Variants in PAEP observed in about 807,000 individuals in gnomAD.
PAEP encodes the protein progestagen associated endometrial protein, also known as glycodelin.
In PAEP, 28 loss-of-function variants were observed where a neutral mutation model predicts 23.0. The ratio of observed to expected loss-of-function variants is 1.22; its 90% CI spans 0.90 to 1.67. The LOEUF is 1.67. PAEP is among the 40% of genes most tolerant of loss of function. PAEP has a pLI of 0.00. For missense variants in PAEP, 209 were observed against 226.4 expected (o/e 0.92, Z 0.49); for synonymous variants, 103 against 92.4 (o/e 1.12, Z -0.66).
In PAEP at chr9:135,561,956, C is replaced by T. The variant is rs374396113; in HGVS notation, c.96+59C>T. The T allele has an allele frequency of 8.8e-5, 95 of 1,082,426 alleles. 1 individual carries two copies. Among genetic ancestry groups the T allele is most frequent in the East Asian group, 5.5e-4 (21 of 38,252 alleles). 67.1% of individuals were successfully genotyped at this position (1,082,426 alleles called of 1,614,324 possible). ...GGAGGCCTGGGGCGGGTGGGAGCTGCGGGCAGGCAGGAAGCCCAGGATCTC... is the reference window on the plus strand; with the variant it reads ...GGAGGCCTGGGGCGGGTGGGAGCTGTGGGCAGGCAGGAAGCCCAGGATCTC... On this transcript the variant is annotated intron_variant, in intron 1 of 6. Transcript: ENST00000479141.
chr9:135,562,704 C>G (rs559181516), intron 2 of PAEP, 116 bp from the exon 3 acceptor site: 14 of 909,240 alleles, frequency 1.5e-5, no homozygotes, highest in African/African-American at 3.3e-5. Flanking sequence ...TGGGCGGCTG[C>G]GGGCTGCGGT....
rs370101071 is a variant in PAEP, at chr9:135,565,751, G to A, written c.527-34G>A. The A allele has an allele frequency of 2.1e-4, 338 of 1,613,478 alleles. 2 individuals are homozygous for A. The highest frequency in any genetic ancestry group is 1.6e-4 in the African/African-American group (12 of 74,860). ...TGTGTCCCCAGCTGTCTCTTCTCTCGCTGACACCTCCACTGTCCCATCTCC... is the reference window on the plus strand; with the variant it reads ...TGTGTCCCCAGCTGTCTCTTCTCTCACTGACACCTCCACTGTCCCATCTCC... On this transcript the variant is annotated intron_variant, in intron 5 of 6. Transcript: ENST00000479141.
rs375373335 is a variant in PAEP at position 135,566,874 on chromosome 9, C to G, written c.*322C>G. ...GCCACCGCCTGGCAGAACCGGAGCT[C>G]CTACAGACCCATGGGCAGCTTCTGG... On this transcript the variant is annotated 3_prime_UTR_variant, in exon 7 of 7. Transcript: ENST00000479141. 1.8e-4 allele frequency: 27 copies of G among 153,608 alleles called. No individual in the cohort carries two copies. The Middle Eastern group carries it at 4.6e-3, about 26-fold the overall frequency. The allele number at this position is 153,608 out of a possible 1,614,324, so 9.5% of individuals were successfully genotyped here. A position where few individuals can be genotyped will look rare whatever the true frequency, so the allele number is the denominator to read the frequency against.
chr9:135,564,686 G>A (rs1832495684), intron 4 of PAEP: 1 of 603,882 alleles, frequency 1.7e-6, no homozygotes, highest in African/African-American at 2.0e-5. Context: ...GTATTTTTTG[G>A]TAGAGACGGG....
chr9:135,564,546 C>G (rs1243659100), intron 4 of PAEP, 192 bp downstream of exon 4: 11 of 923,188 alleles, frequency 1.2e-5, no homozygotes, highest in Non-Finnish European at 1.4e-5. Context: ...TTCTGTCACT[C>G]AGGCTGGAGT....
intron 3 of PAEP, 81 bp from the exon 4 acceptor site, chr9:135,564,163 G>A: frequency 1.3e-6 from 2 of 1,525,308 alleles, no homozygotes; most frequent in Admixed American, 4.0e-5. Context: ...ACTTAGTGTG[G>A]TGGGATGTCC....
chr9:135,565,468 C>G lies in PAEP; in HGVS notation c.480C>G (p.Pro160=). The change falls in exon 5 of 7, where the codon CCC becomes CCG. Residue 160 remains proline (P), a synonymous_variant. Transcript: ENST00000479141. ...AGGGATTCATCAGGGCTTTCAGGCC[C>G]CTGCCCAGGCACCTATGGTACTTGC... is the stretch of plus-strand genomic sequence containing the variant. ...IMQGFIRAFR[P]LPRHLWYLLD... 6.2e-7 allele frequency: 1 copy of G among 1,614,216 alleles called. No individual in the cohort carries two copies. Among genetic ancestry groups the G allele is most frequent in the Non-Finnish European group, 8.5e-7 (1 of 1,180,026 alleles).
intron 1 of PAEP, 132 bp downstream of exon 1, chr9:135,562,029 C>G: frequency 1.3e-6 from 1 of 773,268 alleles, no homozygotes; most frequent in South Asian, 1.8e-5. Flanking sequence ...TCAGGAAGCC[C>G]TCAGCCCTGC....
chr9:135,564,186 A>G, intron 3 of PAEP, 58 bp from the exon 4 acceptor site: 1 of 1,545,970 alleles, frequency 6.5e-7, no homozygotes. Context: ...ACACCTGCAC[A>G]GGACTCTGCT....
chr9:135,564,471 CTT>C (rs902394705), intron 4 of PAEP, 117 bp downstream of exon 4: 1 of 1,474,054 alleles, frequency 6.8e-7, no homozygotes, highest in Non-Finnish European at 9.0e-7. Context: ...TGTGGGCTGA[CTT>C]TTTTTTTCTT....
intron 4 of PAEP, 109 bp from the exon 5 acceptor site, chr9:135,565,301 G>A: frequency 2.2e-6 from 2 of 910,526 alleles, no homozygotes; most frequent in Non-Finnish European, 3.6e-6. Context: ...CCAGACCTCG[G>A]AGCACTGGGG....
At chr9:135,564,529 G>C in intron 4 of PAEP, 175 bp downstream of exon 4, 1 of 964,796 alleles carries the variant, frequency 1.0e-6, no homozygotes, top group Non-Finnish European at 1.2e-6. Context: ...TTTGAGAAAG[G>C]GTCTCATTCT....
Position 135,564,231 on chromosome 9 carries a change from CTT to C in PAEP, c.311-12_311-11del. On this transcript the variant is annotated splice_polypyrimidine_tract_variant and intron_variant, in intron 3 of 6. Transcript: ENST00000479141. ...GCTTCATCTTCCTTTTGGTTCTTCT[CTT>C]CTTTCCCCAGATACGGTGGCGAACG... 5 of 1,552,030 alleles carry C rather than the reference CTT, an allele frequency of 3.2e-6. No individual in the cohort carries two copies. The South Asian group carries it at 4.8e-5, about 15-fold the overall frequency.
Position 135,562,420 on chromosome 9 carries a change from G to A in PAEP, c.223G>A (p.Val75Ile), listed in dbSNP as rs142465737. The A allele has an allele frequency of 3.5e-5, 57 of 1,613,782 alleles. No homozygotes were observed. The highest frequency in any genetic ancestry group is 5.5e-5 in the South Asian group (5 of 91,024). ...CACCCCCGAGGACAACCTGGAGATC[G>A]TTCTGCACAGATGGTGGGTTTCTCA... ...LPTPEDNLEI[V>I]LHRWENNSCV... The change falls in exon 2 of 7, where the codon GTT (valine) becomes ATT (isoleucine). Residue 75 changes from valine to isoleucine, a missense_variant. By Grantham distance (29) the Val-to-Ile change is conservative. Transcript: ENST00000479141.
chr9:135,561,940 G>T, intron 1 of PAEP, 43 bp downstream of exon 1: 2 of 1,458,384 alleles, frequency 1.4e-6, no homozygotes, highest in South Asian at 2.4e-5. Context: ...GGGAGGCCTG[G>T]GGCGGGTGGG....
At chr9:135,564,405 T>G in intron 4 of PAEP, 51 bp downstream of exon 4, 1 of 1,543,616 alleles carries the variant, frequency 6.5e-7, no homozygotes, top group South Asian at 1.2e-5. Flanking sequence ...AGCAGCTACG[T>G]CCGTGGCTGG....
chr9:135,565,087 T>TGAGAGCCGGGCACTGG (rs1564250623), intron 4 of PAEP, among the ~76,000 whole-genome samples: 2 of 152,172 alleles, frequency 1.3e-5, no homozygotes, highest in Admixed American at 1.3e-4. Context: ...CCATGCTTGG[T>TGAGAGCCGGGCACTGG]GAGAGCCGGG....
In PAEP at chr9:135,565,612, C is replaced by T. The variant is rs759145812; in HGVS notation, c.526+98C>T. 2.9e-6 allele frequency: 4 copies of T among 1,370,930 alleles called. No homozygotes were observed. In the Admixed American group the frequency reaches 6.8e-5, roughly 23 times the overall value. 84.9% of individuals were successfully genotyped at this position (1,370,930 alleles called of 1,614,324 possible). ...CTGGCTCTGCAGGACTCAGGTCACT[C>T]CTTTTTGGCCCCTCCCCTGTTCTCC... On this transcript the variant is annotated intron_variant, in intron 5 of 6. Coordinates refer to ENST00000479141, the MANE Select transcript of PAEP (RefSeq NM_002571.4).
In PAEP at chr9:135,565,483, A is replaced by G. The variant is rs149314008; in HGVS notation, c.495A>G (p.Leu165=). Residue 165 remains leucine, a synonymous_variant, in exon 5 of 7, where the codon CTA becomes CTG. Coordinates refer to ENST00000479141, the MANE Select transcript of PAEP (RefSeq NM_002571.4). ...IRAFRPLPRH[L]WYLLDLKQME... is the part of the protein sequence containing the mutation. ...CTTTCAGGCCCCTGCCCAGGCACCTATGGTACTTGCTGGACTTGAAACAGA... is the reference window on the plus strand; with the variant it reads ...CTTTCAGGCCCCTGCCCAGGCACCTGTGGTACTTGCTGGACTTGAAACAGA... 55 of 1,613,990 alleles carry G rather than the reference A, an allele frequency of 3.4e-5. No individual in the cohort carries two copies. The African/African-American group carries it at 6.3e-4, about 18-fold the overall frequency.
Sources: gnomAD v4.1 joint callset for allele counts (sites outside exome capture counted in the v4.1 genomes callset) on GRCh38, gnomAD v4.1.1 for gene constraint, MANE v1.5 for transcripts, NCBI Gene and HGNC (gene_info 2026-07-23, HGNC 2026-07-21) for gene names.